CKAP2L: variants seen among roughly 807,000 people sequenced by gnomAD.
CKAP2L encodes cytoskeleton associated protein 2L, also known as cytoskeleton-associated protein 2-like.
In CKAP2L, 42 loss-of-function variants were observed where a neutral mutation model predicts 65.7. That is an observed-to-expected ratio of 0.64 (90% CI 0.50 to 0.83). CKAP2L has a LOEUF of 0.83. Among genes scored for constraint, CKAP2L ranks in the 40% least tolerant of loss-of-function variants. CKAP2L has a pLI of 0.00. For missense variants in CKAP2L, 908 were observed against 871.0 expected, an observed-to-expected ratio of 1.04 and a Z score of -0.53; for synonymous variants, 325 against 313.5, an observed-to-expected ratio of 1.04 and a Z score of -0.39.
chr2:112,744,620 G>A (rs769561394), intron 6 of CKAP2L, among the ~76,000 whole-genome samples: 1 of 152,204 alleles, frequency 6.6e-6, no homozygotes, highest in Admixed American at 6.5e-5. Flanking sequence ...AAGTTTCTAT[G>A]TTGAGGGTTG....
intron 4 of CKAP2L, among the ~76,000 whole-genome samples, chr2:112,753,422 GCA>G (rs1680437381): frequency 6.6e-6 from 1 of 151,856 alleles, no homozygotes; most frequent in Non-Finnish European, 1.5e-5. Context: ...AGGCAGAAAG[GCA>G]CAGTGTAATC....
Position 112,738,797 on chromosome 2 carries a change from C to T in CKAP2L, c.*26G>A, listed in dbSNP as rs752907268. On this transcript the variant is annotated 3_prime_UTR_variant, in exon 9 of 9. Coordinates refer to ENST00000302450, the MANE Select transcript of CKAP2L (RefSeq NM_152515.5). ...CTTGTCTTATGTTGGTTCTGAAACA[C>T]CTTTTTTAAAAAAAGCATCAAGAAA... The T allele has an allele frequency of 2.0e-6, 3 of 1,475,050 alleles. No homozygotes were observed. Among genetic ancestry groups the T allele is most frequent in the Non-Finnish European group, 9.5e-7 (1 of 1,054,646 alleles). 91.4% of individuals were successfully genotyped at this position (1,475,050 alleles called of 1,614,324 possible). A position where few individuals can be genotyped will look rare whatever the true frequency, so the allele number is the denominator to read the frequency against.
intron 2 of CKAP2L, among the ~76,000 whole-genome samples, chr2:112,761,527 C>A (rs1207370042): frequency 7.4e-6 from 1 of 134,542 alleles, no homozygotes. Flanking sequence ...TCTCTTCTAA[C>A]TTTAAGGGGG....
intron 6 of CKAP2L, among the ~76,000 whole-genome samples, chr2:112,745,491 T>C (rs1245159046): frequency 6.6e-6 from 1 of 151,994 alleles, no homozygotes; most frequent in Non-Finnish European, 1.5e-5. Flanking sequence ...GCCATTCTCC[T>C]GCCTCAGCCT....
At chr2:112,753,531 T>TC (rs1447002468) in intron 4 of CKAP2L, among the ~76,000 whole-genome samples, 3 of 139,798 alleles carry the variant, frequency 2.1e-5, no homozygotes, top group African/African-American at 8.7e-5. Flanking sequence ...CTTTTCTTTT[T>TC]TTTTTTTTTT....
chr2:112,740,752 G>A, intron 8 of CKAP2L, 66 bp downstream of exon 8: 1 of 1,355,124 alleles, frequency 7.4e-7, no homozygotes, highest in Non-Finnish European at 1.0e-6. Flanking sequence ...GATCTGTGAA[G>A]GAAAAATCGA....
At chr2:112,764,267 G>A in intron 1 of CKAP2L, 1 of 496,904 alleles carries the variant, frequency 2.0e-6, no homozygotes, top group Admixed American at 3.5e-5. Flanking sequence ...CGAGCAAGGG[G>A]CCTCAGTTTC....
Position 112,740,907 on chromosome 2 carries a change from C to G in CKAP2L, c.1923G>C (p.Glu641Asp), listed in dbSNP as rs1679896224. 3.7e-6 allele frequency: 6 copies of G among 1,614,086 alleles called. No homozygotes were observed. The East Asian group carries it at 1.3e-4, about 36-fold the overall frequency. The change falls in exon 8 of 9, where the codon GAG (glutamate) becomes GAC (aspartate). Residue 641 changes from glutamate to aspartate, a missense_variant. By Grantham distance (45) the Glu-to-Asp change is conservative. Coordinates refer to ENST00000302450, the MANE Select transcript of CKAP2L (RefSeq NM_152515.5). ...GGGGTGTCGCCGTGACTTGTTCCCT[C>G]TCTTTTGGAGAAAGACAAGACTTCA... is the stretch of plus-strand genomic sequence containing the variant. ...ESVKSCLSPK[E>D]REQVTATPRI...
intron 5 of CKAP2L, among the ~76,000 whole-genome samples, chr2:112,749,803 A>C (rs188862951): frequency 1.3e-5 from 2 of 152,248 alleles, no homozygotes; most frequent in East Asian, 3.9e-4. Flanking sequence ...AAACTCTGTA[A>C]AACTTTCTGC....
Position 112,742,728 on chromosome 2 carries a change from T to A in CKAP2L, c.1800A>T (p.Gln600His). ...TACCTTCTGTGGTTCTGTTTGAGTCTTGCAAGATATTAAGAACAACTTTCC... is the reference window on the plus strand; with the variant it reads ...TACCTTCTGTGGTTCTGTTTGAGTCATGCAAGATATTAAGAACAACTTTCC... ...ELRKVVLNIL[Q>H]DSNRTTEGIT... Residue 600 changes from glutamine to histidine, a missense_variant, in exon 7 of 9, where the codon CAA (glutamine) becomes CAT (histidine). Physicochemically the swap from Gln to His is conservative, Grantham distance 24 (BLOSUM62 0). Transcript: ENST00000302450. 1 of 1,607,716 alleles carries A rather than the reference T, an allele frequency of 6.2e-7. No homozygotes were observed. Among genetic ancestry groups the A allele is most frequent in the East Asian group, 2.2e-5 (1 of 44,824 alleles).
At position 112,743,766 on chromosome 2, in the gene CKAP2L, T is replaced by C. The variant is rs1680107112; in HGVS notation, c.1759-997A>G. On this transcript the variant is annotated intron_variant, in intron 6 of 8. Transcript: ENST00000302450. The stretch of plus-strand genomic sequence containing the variant: ...ATACAATCTTTGTAGGCATTTTGAG[T>C]AATTTTCTCCAGCTTTTCCTGTCTT... Among the ~76,000 whole-genome samples, 3 of 152,150 alleles carry C rather than the reference T, an allele frequency of 2.0e-5. No individual in the cohort carries two copies. In the South Asian group the frequency reaches 6.2e-4, roughly 32 times the overall value.
chr2:112,743,131 C>T (rs551358765), intron 6 of CKAP2L, among the ~76,000 whole-genome samples: 1 of 152,136 alleles, frequency 6.6e-6, no homozygotes, highest in Non-Finnish European at 1.5e-5. Context: ...ACAGAAAATG[C>T]ATTTTATATA....
intron 8 of CKAP2L, among the ~76,000 whole-genome samples, chr2:112,740,501 T>G (rs988582610): frequency 3.9e-5 from 6 of 152,250 alleles, no homozygotes; most frequent in Non-Finnish European, 7.3e-5. Context: ...GGGTATTCAC[T>G]GTCCCTTTTC....
At chr2:112,753,236 T>C (rs534516882) in intron 4 of CKAP2L, among the ~76,000 whole-genome samples, 6 of 152,304 alleles carry the variant, frequency 3.9e-5, no homozygotes, top group African/African-American at 9.6e-5. Context: ...ACCGCCTAGT[T>C]GATATCTTTT....
chr2:112,751,740 A>G (rs1434183650), intron 5 of CKAP2L, among the ~76,000 whole-genome samples: 7 of 152,280 alleles, frequency 4.6e-5, no homozygotes, highest in Admixed American at 2.6e-4. Flanking sequence ...TTTTATTAAT[A>G]TATTTTTCCT....
intron 5 of CKAP2L, among the ~76,000 whole-genome samples, chr2:112,748,151 G>T (rs1215687211): frequency 1.3e-5 from 2 of 152,144 alleles, no homozygotes; most frequent in African/African-American, 4.8e-5. Context: ...TGTAGAAGAA[G>T]AATTTCAAGA....
intron 5 of CKAP2L, among the ~76,000 whole-genome samples, chr2:112,750,388 C>A (rs753930227): frequency 6.6e-6 from 1 of 152,168 alleles, no homozygotes; most frequent in Non-Finnish European, 1.5e-5. Context: ...CTTGTCCGCC[C>A]GAGGCAGCCA....
In CKAP2L at chr2:112,748,365, G is replaced by A. The variant is rs533070130; in HGVS notation, c.1603-1790C>T. Among the ~76,000 whole-genome samples, 163 of 152,264 alleles carry A rather than the reference G, an allele frequency of 1.1e-3. 3 individuals are homozygous for A. Among genetic ancestry groups the A allele is most frequent in the Non-Finnish European group, 1.5e-3 (100 of 68,012 alleles). ...AACAAATCAACAACTCCAGATGCAAGAAAGAAAATGAAGCAGTCACTTAAA... is the reference window on the plus strand; with the variant it reads ...AACAAATCAACAACTCCAGATGCAAAAAAGAAAATGAAGCAGTCACTTAAA... On this transcript the variant is annotated intron_variant, in intron 5 of 8. Transcript: ENST00000302450.
chr2:112,763,431 C>G (rs1045375003), intron 1 of CKAP2L, among the ~76,000 whole-genome samples: 9 of 152,006 alleles, frequency 5.9e-5, no homozygotes, highest in African/African-American at 2.2e-4. Flanking sequence ...CGGCAGACAC[C>G]TATACTATGG....
Sources: gnomAD v4.1 joint callset for allele counts (sites outside exome capture counted in the v4.1 genomes callset) on GRCh38, gnomAD v4.1.1 for gene constraint, MANE v1.5 for transcripts, NCBI Gene and HGNC (gene_info 2026-07-23, HGNC 2026-07-21) for gene names.